RLN2: variants seen among roughly 807,000 people sequenced by gnomAD.
RLN2 encodes the protein relaxin 2.
A neutral mutation model predicts 7.3 loss-of-function variants in RLN2; 10 were observed. The ratio of observed to expected loss-of-function variants is 1.36; its 90% CI spans 0.84 to 2.31. The LOEUF (loss-of-function observed/expected upper bound fraction) is 2.31, where lower values mean the gene tolerates loss of function less well. Among genes scored for constraint, RLN2 ranks in the 30% most tolerant of loss-of-function variants. The pLI is 0.00. For missense variants in RLN2, 298 were observed against 217.6 expected, an observed-to-expected ratio of 1.37 and a Z score of -2.32; for synonymous variants, 103 against 82.3, an observed-to-expected ratio of 1.25 and a Z score of -1.36.
chr9:5,332,578 T>A, the RLN2 span, among the ~76,000 whole-genome samples: 1 of 151,564 alleles, frequency 6.6e-6, no homozygotes, highest in East Asian at 1.9e-4. Context: ...CACCAATACT[T>A]GATGCTTTGT....
chr9:5,330,371 G>A, the RLN2 span, among the ~76,000 whole-genome samples: 1 of 151,846 alleles, frequency 6.6e-6, no homozygotes, highest in Non-Finnish European at 1.5e-5. Context: ...GGGTGTGGTG[G>A]CTCACGCCTG....
In RLN2 at chr9:5,300,337, G is replaced by T. The variant is rs373868453; in HGVS notation, c.319C>A (p.Pro107Thr). The T allele has an allele frequency of 6.2e-7, 1 of 1,613,700 alleles. No individual in the cohort carries two copies. The highest frequency in any genetic ancestry group is 2.2e-5 in the East Asian group (1 of 44,874). The change falls in exon 2 of 2, where the codon CCA (proline) becomes ACA (threonine). Residue 107 changes from proline to threonine, a missense_variant. Transcript: ENST00000381627. ...TGTTGTTGTAGCTGTGGTAATGCTGGCTGCATCTCAGACAGGGTTAACTTC... is the reference window on the plus strand; with the variant it reads ...TGTTGTTGTAGCTGTGGTAATGCTGTCTGCATCTCAGACAGGGTTAACTTC... ...ELKLTLSEMQ[P>T]ALPQLQQHVP...
chr9:5,309,223 G>A (rs1816304522), upstream of RLN2, among the ~76,000 whole-genome samples: 2 of 152,014 alleles, frequency 1.3e-5, no homozygotes, highest in African/African-American at 4.8e-5. Flanking sequence ...TGTATATAAT[G>A]TGTTCTATGG....
chr9:5,324,184 G>T, the RLN2 span, among the ~76,000 whole-genome samples: 1 of 152,002 alleles, frequency 6.6e-6, no homozygotes, highest in African/African-American at 2.4e-5. Context: ...TTAAAGTGCA[G>T]GGTCTACAGC....
At chr9:5,330,962 A>G in the RLN2 span, among the ~76,000 whole-genome samples, 1 of 152,000 alleles carries the variant, frequency 6.6e-6, no homozygotes, top group Non-Finnish European at 1.5e-5. Flanking sequence ...AGAGAATACT[A>G]TGAACACCTC....
At chr9:5,324,836 C>T in the RLN2 span, among the ~76,000 whole-genome samples, 134 of 152,078 alleles carry the variant, frequency 8.8e-4, 1 homozygote, top group African/African-American at 2.7e-3. Flanking sequence ...GGGTTCTATC[C>T]TTAACATAAA....
At chr9:5,311,699 GC>G in the RLN2 span, 1 of 1,229,492 alleles carries the variant, frequency 8.1e-7, no homozygotes, top group Non-Finnish European at 1.2e-6. Context: ...AGCCGAAGGT[GC>G]TGGAGATGCC....
the RLN2 span, among the ~76,000 whole-genome samples, chr9:5,315,883 C>T: frequency 6.6e-6 from 1 of 151,968 alleles, no homozygotes; most frequent in Non-Finnish European, 1.5e-5. Context: ...ATAAAGTCTT[C>T]CCCAGACAAA....
chr9:5,329,414 C>A, the RLN2 span, among the ~76,000 whole-genome samples: 1 of 150,744 alleles, frequency 6.6e-6, no homozygotes, highest in African/African-American at 2.4e-5. Flanking sequence ...CAATATTAAC[C>A]TTAAATGTAA....
the RLN2 span, chr9:5,311,512 G>T: frequency 8.4e-6 from 6 of 713,104 alleles, 1 homozygote; most frequent in Non-Finnish European, 1.5e-5. Flanking sequence ...GAACCACAGA[G>T]AAGATCATGA....
chr9:5,336,087 C>G, the RLN2 span, among the ~76,000 whole-genome samples: 1 of 152,068 alleles, frequency 6.6e-6, no homozygotes, highest in African/African-American at 2.4e-5. Flanking sequence ...GAATTTACTC[C>G]TGGAGGATAA....
At chr9:5,317,941 T>C in the RLN2 span, among the ~76,000 whole-genome samples, 1 of 151,798 alleles carries the variant, frequency 6.6e-6, no homozygotes, top group Non-Finnish European at 1.5e-5. Flanking sequence ...GTGGTGGGAA[T>C]GCAAAATCGT....
the RLN2 span, among the ~76,000 whole-genome samples, chr9:5,312,608 A>C: frequency 1.3e-5 from 2 of 152,036 alleles, no homozygotes; most frequent in Non-Finnish European, 2.9e-5. Flanking sequence ...CCGTTGAAGA[A>C]GGGAGTATAA....
the RLN2 span, among the ~76,000 whole-genome samples, chr9:5,326,002 T>A: frequency 1.3e-5 from 2 of 152,110 alleles, no homozygotes; most frequent in Non-Finnish European, 2.9e-5. Context: ...TGGATTTTTT[T>A]AAATTACCAC....
rs1563732906 is a variant in RLN2, at chr9:5,300,360, T to TGTGGCATC, written c.295_296insGATGCCAC (p.Lys99ArgfsTer5). ...TGGCTGCATCTCAGACAGGGTTAAC[T>TGTGGCATC]TCAGCTCCTGTGGCAAATTAGCAAC... On this transcript the variant is annotated frameshift_variant, in exon 2 of 2. Transcript: ENST00000381627. LOFTEE classifies it low-confidence loss of function (END_TRUNC). The TGTGGCATC allele has an allele frequency of 6.2e-7, 1 of 1,614,026 alleles. No individual in the cohort carries two copies. Among genetic ancestry groups the TGTGGCATC allele is most frequent in the Non-Finnish European group, 8.5e-7 (1 of 1,179,918 alleles).
the RLN2 span, among the ~76,000 whole-genome samples, chr9:5,313,542 C>A: frequency 2.6e-5 from 4 of 151,814 alleles, no homozygotes; most frequent in African/African-American, 9.7e-5. Flanking sequence ...GTCTTAAAAA[C>A]TTTTTATTTT....
the RLN2 span, among the ~76,000 whole-genome samples, chr9:5,319,441 GAGA>G: frequency 9.3e-4 from 142 of 152,084 alleles, no homozygotes; most frequent in Non-Finnish European, 1.6e-3. Flanking sequence ...GATTTTTTAT[GAGA>G]AGTTTTTTTT....
chr9:5,337,744 G>A, the RLN2 span, among the ~76,000 whole-genome samples: 2 of 151,956 alleles, frequency 1.3e-5, no homozygotes, highest in Admixed American at 1.3e-4. Flanking sequence ...GTTACTTTCA[G>A]TTAAATTATA....
At chr9:5,328,471 A>G in the RLN2 span, among the ~76,000 whole-genome samples, 1 of 152,086 alleles carries the variant, frequency 6.6e-6, no homozygotes, top group Non-Finnish European at 1.5e-5. Flanking sequence ...AATGGAACCA[A>G]GTTAGAAAAC....
Sources: gnomAD v4.1 joint callset for allele counts (sites outside exome capture counted in the v4.1 genomes callset) on GRCh38, gnomAD v4.1.1 for gene constraint, MANE v1.5 for transcripts, NCBI Gene and HGNC (gene_info 2026-07-23, HGNC 2026-07-21) for gene names.